The following TXNRD1 variants were observed in gnomAD, a reference collection of about 807,000 sequenced individuals.
TXNRD1 encodes thioredoxin reductase 1, cytoplasmic.
In TXNRD1, 57 loss-of-function variants were observed where a neutral mutation model predicts 80.3. That is an observed-to-expected ratio of 0.71 (90% CI 0.57 to 0.89). The LOEUF is 0.89. TXNRD1 is among the 40% of genes least tolerant of loss of function. The pLI, the probability that TXNRD1 is intolerant of heterozygous loss-of-function variation, is 0.00. For synonymous variants in TXNRD1, 291 were observed against 285.2 expected (o/e 1.02, Z -0.20); for missense variants, 730 against 803.0 (o/e 0.91, Z 1.10).
intron 16 of TXNRD1, among the ~76,000 whole-genome samples, chr12:104,348,104 C>G (rs1335588237): frequency 6.6e-6 from 1 of 152,168 alleles, no homozygotes; most frequent in Non-Finnish European, 1.5e-5. Context: ...TTTAATCATC[C>G]TCATGCTAAC....
At chr12:104,261,453 A>G (rs34832491) in intron 3 of TXNRD1, among the ~76,000 whole-genome samples, 35,000 of 152,126 alleles carry the variant, frequency 0.23, 5,060 homozygotes, top group Non-Finnish European at 0.32. Context: ...GTGAGCCACC[A>G]TGCCCGTCCC....
intron 4 of TXNRD1, chr12:104,310,112 G>C: frequency 6.7e-7 from 1 of 1,487,414 alleles, no homozygotes; most frequent in Non-Finnish European, 8.9e-7. Flanking sequence ...AAGTTTGGGG[G>C]CTTTTTTTTG....
chr12:104,306,622 TCAC>T (rs1241032711), intron 4 of TXNRD1, among the ~76,000 whole-genome samples: 2 of 152,216 alleles, frequency 1.3e-5, no homozygotes, highest in African/African-American at 4.8e-5. Flanking sequence ...ATGAGGTTCT[TCAC>T]CAATAATAGA....
chr12:104,225,635 T>G (rs1047076859), intron 1 of TXNRD1, among the ~76,000 whole-genome samples: 9 of 152,066 alleles, frequency 5.9e-5, no homozygotes, highest in African/African-American at 1.7e-4. Flanking sequence ...CCTGCCACCA[T>G]GTGAAGAGGT....
intron 4 of TXNRD1, among the ~76,000 whole-genome samples, chr12:104,296,236 C>T (rs2034431596): frequency 6.6e-6 from 1 of 152,156 alleles, no homozygotes; most frequent in Non-Finnish European, 1.5e-5. Context: ...GATTCGAGGT[C>T]AGGCCCATGC....
chr12:104,333,913 G>GGT (rs943685590), intron 14 of TXNRD1, among the ~76,000 whole-genome samples: 3 of 152,060 alleles, frequency 2.0e-5, no homozygotes, highest in African/African-American at 7.2e-5. Context: ...ATTGAGTTTG[G>GGT]GTGTGTGTGT....
At chr12:104,298,067 G>A (rs139836756) in intron 4 of TXNRD1, among the ~76,000 whole-genome samples, 5 of 152,312 alleles carry the variant, frequency 3.3e-5, no homozygotes, top group African/African-American at 1.2e-4. Flanking sequence ...TATTTCAAAT[G>A]AGTGAGTCCA....
chr12:104,234,373 C>A (rs1202010872), intron 1 of TXNRD1, among the ~76,000 whole-genome samples: 11 of 152,162 alleles, frequency 7.2e-5, no homozygotes, highest in African/African-American at 2.2e-4. Flanking sequence ...CAGCTCACTG[C>A]AACCTCTGCC....
intron 3 of TXNRD1, among the ~76,000 whole-genome samples, chr12:104,276,336 G>T (rs1408819526): frequency 6.6e-6 from 1 of 152,194 alleles, no homozygotes; most frequent in African/African-American, 2.4e-5. Flanking sequence ...CTGCTGGGAA[G>T]AGAAGACAGA....
chr12:104,325,797 A>G (rs1440898087), intron 11 of TXNRD1, among the ~76,000 whole-genome samples: 1 of 151,742 alleles, frequency 6.6e-6, no homozygotes, highest in Non-Finnish European at 1.5e-5. Context: ...GCTTGAACCC[A>G]GGAGACCTAG....
Position 104,346,641 on chromosome 12 carries a change from G to A in TXNRD1, c.1882-1712G>A, listed in dbSNP as rs559286512. ...TTTTATTATCATGTATTGTTTCCCC[G>A]TCCTCATCTGTACTCCTACATTTTT... On this transcript the variant is annotated intron_variant, in intron 16 of 16. Transcript: ENST00000525566. Among the ~76,000 whole-genome samples, 76 of 151,854 alleles carry A rather than the reference G, an allele frequency of 5.0e-4. No homozygotes were observed. In the Middle Eastern group the frequency reaches 0.01, roughly 20 times the overall value.
intron 1 of TXNRD1, among the ~76,000 whole-genome samples, chr12:104,242,709 C>T (rs1189412902): frequency 6.6e-6 from 1 of 152,152 alleles, no homozygotes; most frequent in Non-Finnish European, 1.5e-5. Flanking sequence ...GAGCCCAACC[C>T]TGACAGGAGA....
chr12:104,315,968 T>C (rs1274885874), intron 7 of TXNRD1, 72 bp downstream of exon 7: 17 of 1,511,150 alleles, frequency 1.1e-5, no homozygotes, highest in Admixed American at 2.1e-5. Context: ...TGATGCGTCG[T>C]CCATTTTCAT....
rs1454639836 is a variant in TXNRD1 at position 104,334,390 on chromosome 12, TG to T, written c.1746+59del. The T allele has an allele frequency of 4.1e-4, 462 of 1,135,404 alleles. 1 individual carries two copies. In the African/African-American group the frequency reaches 6.7e-3, roughly 16 times the overall value. The allele number at this position is 1,135,404 out of a possible 1,614,324, so 70.3% of individuals were successfully genotyped here. On this transcript the variant is annotated intron_variant, in intron 15 of 16. Coordinates refer to ENST00000525566, the MANE Select transcript of TXNRD1 (RefSeq NM_001093771.3). Reference sequence around the variant, plus strand: ...TTATTTAGTTGTTGTTTTTTGTTGTTGTTTTTTTTTTAGATGGAGTCTTGCT... The same window carrying T: ...TTATTTAGTTGTTGTTTTTTGTTGTTTTTTTTTTTTAGATGGAGTCTTGCT...
At chr12:104,278,423 TCTC>T (rs2033804947) in intron 3 of TXNRD1, among the ~76,000 whole-genome samples, 1 of 151,118 alleles carries the variant, frequency 6.6e-6, no homozygotes, top group South Asian at 2.1e-4. Flanking sequence ...ACGGTCTCGA[TCTC>T]CTGACCTCGT....
intron 4 of TXNRD1, among the ~76,000 whole-genome samples, chr12:104,295,954 A>G (rs2034423916): frequency 6.6e-6 from 1 of 152,226 alleles, no homozygotes; most frequent in African/African-American, 2.4e-5. Flanking sequence ...TTAGACTCTA[A>G]ATGTTGTTAA....
intron 2 of TXNRD1, among the ~76,000 whole-genome samples, chr12:104,253,977 G>C (rs546026685): frequency 1.8e-4 from 27 of 152,304 alleles, no homozygotes; most frequent in African/African-American, 6.5e-4. Context: ...ATAGGCGTGA[G>C]CCACTGCGCC....
At chr12:104,299,583 A>G (rs2034549257) in intron 4 of TXNRD1, among the ~76,000 whole-genome samples, 1 of 152,046 alleles carries the variant, frequency 6.6e-6, no homozygotes, top group African/African-American at 2.4e-5. Context: ...CCTGGTCAAC[A>G]TGCTGAAACC....
Position 104,284,751 on chromosome 12 carries a change from G to C in TXNRD1, c.305-4180G>C, listed in dbSNP as rs536659483. On this transcript the variant is annotated intron_variant, in intron 3 of 16. Transcript: ENST00000525566. Reference sequence around the variant, plus strand: ...TTAACACTGGGTGAAAATCCAGGAAGACTCCCAGAGGAGGTGACATTTCAG... The same window carrying C: ...TTAACACTGGGTGAAAATCCAGGAACACTCCCAGAGGAGGTGACATTTCAG... Among the ~76,000 whole-genome samples, 8 of 152,334 alleles carry C rather than the reference G, an allele frequency of 5.3e-5. No homozygotes were observed. In the East Asian group the frequency reaches 9.6e-4, roughly 18 times the overall value.
Sources: allele counts gnomAD v4.1 joint callset (sites outside exome capture counted in the v4.1 genomes callset), GRCh38; gene constraint gnomAD v4.1.1; transcripts MANE v1.5; gene names NCBI Gene and HGNC (gene_info 2026-07-23, HGNC 2026-07-21).